RNF150: variants seen among roughly 807,000 people sequenced by gnomAD.
RNF150 encodes the protein ring finger protein 150.
RNF150 carries 24 observed loss-of-function variants against 39.3 expected under a neutral mutation model. That is an observed-to-expected ratio of 0.61 (90% CI 0.44 to 0.86). The LOEUF is 0.86. Ranked by LOEUF, RNF150 falls within the 40% of genes least tolerant of loss-of-function variation. RNF150 has a pLI of 0.00. For missense variants in RNF150, 502 were observed against 587.8 expected (o/e 0.85, Z 1.51); for synonymous variants, 255 against 227.3 (o/e 1.12, Z -1.10).
At chr4:141,017,516 G>A (rs1197145086) in intron 1 of RNF150, among the ~76,000 whole-genome samples, 1 of 152,030 alleles carries the variant, frequency 6.6e-6, no homozygotes, top group Non-Finnish European at 1.5e-5. Context: ...ATTATCAACC[G>A]AAGTCCATAG....
chr4:141,062,321 CTT>C (rs1253433245), intron 1 of RNF150, among the ~76,000 whole-genome samples: 2 of 151,880 alleles, frequency 1.3e-5, no homozygotes, highest in African/African-American at 2.4e-5. Context: ...AAACATGCAT[CTT>C]ATATATATCT....
At chr4:141,010,198 T>C (rs767623098) in intron 1 of RNF150, among the ~76,000 whole-genome samples, 11 of 152,236 alleles carry the variant, frequency 7.2e-5, no homozygotes, top group Non-Finnish European at 1.5e-4. Flanking sequence ...GCCTTTATTA[T>C]GAAAATTTGA....
chr4:140,872,082 T>C (rs1251005944), intron 6 of RNF150, among the ~76,000 whole-genome samples: 2 of 152,266 alleles, frequency 1.3e-5, no homozygotes, highest in Non-Finnish European at 2.9e-5. Flanking sequence ...TAATCAAACT[T>C]GGTTTGTTCC....
At chr4:141,109,303 C>T (rs115562952) in intron 1 of RNF150, among the ~76,000 whole-genome samples, 474 of 152,042 alleles carry the variant, frequency 3.1e-3, no homozygotes, top group African/African-American at 0.011. Flanking sequence ...ATTCTGAAGC[C>T]ATTCCGATTC....
chr4:140,956,355 G>C (rs1732753651), intron 2 of RNF150, among the ~76,000 whole-genome samples: 1 of 152,168 alleles, frequency 6.6e-6, no homozygotes, highest in Non-Finnish European at 1.5e-5. Flanking sequence ...GGGAATGAGG[G>C]GATACTTGGC....
intron 1 of RNF150, among the ~76,000 whole-genome samples, chr4:141,038,241 T>A (rs1736221377): frequency 6.6e-6 from 1 of 152,140 alleles, no homozygotes; most frequent in African/African-American, 2.4e-5. Context: ...AGGAGATAGC[T>A]GGTGTGCACG....
chr4:140,947,532 C>T lies in RNF150; in HGVS notation c.890+122G>A, dbSNP rs111707416. 242 of 716,124 alleles carry T rather than the reference C, an allele frequency of 3.4e-4. No homozygotes were observed. In the African/African-American group the frequency reaches 3.5e-3, roughly 10 times the overall value. 44.4% of individuals were successfully genotyped at this position (716,124 alleles called of 1,614,324 possible). A position where few individuals can be genotyped will look rare whatever the true frequency, so the allele number is the denominator to read the frequency against. On this transcript the variant is annotated intron_variant, in intron 4 of 6. Coordinates refer to ENST00000515673, the MANE Select transcript of RNF150 (RefSeq NM_020724.2). ...ATGTTAGGGTTGTCTGCAATAGAAACATGGAAACACTGAGGCAGACTGACC... is the reference window on the plus strand; with the variant it reads ...ATGTTAGGGTTGTCTGCAATAGAAATATGGAAACACTGAGGCAGACTGACC...
At chr4:140,955,106 G>A (rs540157152) in intron 2 of RNF150, among the ~76,000 whole-genome samples, 43 of 152,218 alleles carry the variant, frequency 2.8e-4, no homozygotes, top group African/African-American at 1.0e-3. Context: ...TGACTGAAAC[G>A]TTTTCTTCGT....
At position 140,864,451 on chromosome 4, in the gene RNF150, G is replaced by GCT. The variant is rs1728621940; in HGVS notation, c.*3809_*3810insAG. 1 of 152,240 alleles carries GCT rather than the reference G, an allele frequency of 6.6e-6. No homozygotes were observed. Among genetic ancestry groups the GCT allele is most frequent in the Non-Finnish European group, 1.5e-5 (1 of 68,114 alleles). The allele number at this position is 152,240 out of a possible 1,614,324, so 9.4% of individuals were successfully genotyped here. Reference sequence around the variant, plus strand: ...CTCCTTTTCTTCCCCATAGCATTGGGGTGGCAGGTGGATGCTGACTTGGAG... The same window carrying GCT: ...CTCCTTTTCTTCCCCATAGCATTGGGCTGTGGCAGGTGGATGCTGACTTGGAG... On this transcript the variant is annotated 3_prime_UTR_variant, in exon 7 of 7. Transcript: ENST00000515673.
chr4:141,079,974 G>A (rs1224316424), intron 1 of RNF150, among the ~76,000 whole-genome samples: 1 of 152,152 alleles, frequency 6.6e-6, no homozygotes, highest in Admixed American at 6.5e-5. Context: ...AGAAAGCATA[G>A]TCAGGACTCC....
Position 141,132,557 on chromosome 4 carries a change from C to G in RNF150, c.252G>C (p.Gln84His), listed in dbSNP as rs199823659. The G allele has an allele frequency of 2.1e-3, 3,280 of 1,591,866 alleles. 98 individuals carry two copies. In the Admixed American group the frequency reaches 0.05, roughly 24 times the overall value. ...CGRYGEHSPK[Q>H]DARGEVVMAS... ...CCATGACCACCTCCCCGCGGGCGTC[C>G]TGCTTGGGCGAGTGCTCTCCGTAGC... Residue 84 changes from glutamine (Q) to histidine (H), a missense_variant, in exon 1 of 7, where the codon CAG becomes CAC. Gln to His is a conservative substitution (Grantham distance 24, BLOSUM62 0). Transcript: ENST00000515673. This position sits in a 1 kb window ranked among gnomAD's most constrained non-coding sequence, Gnocchi z 4.9.
chr4:141,091,404 T>C (rs1024518392), intron 1 of RNF150, among the ~76,000 whole-genome samples: 1 of 152,194 alleles, frequency 6.6e-6, no homozygotes, highest in Non-Finnish European at 1.5e-5. Flanking sequence ...CAACATGATA[T>C]TTGCCTTCAA....
At chr4:140,968,980 TAGAGTGACTACAAA>T (rs1362468702) in intron 1 of RNF150, among the ~76,000 whole-genome samples, 1 of 151,986 alleles carries the variant, frequency 6.6e-6, no homozygotes, top group Non-Finnish European at 1.5e-5. Flanking sequence ...TCCCATTACC[TAGAGTGACTACAAA>T]TTAAAGGGAG....
chr4:140,974,410 T>C (rs974439509), intron 1 of RNF150, among the ~76,000 whole-genome samples: 1 of 152,210 alleles, frequency 6.6e-6, no homozygotes, highest in Non-Finnish European at 1.5e-5. Context: ...TATTCGCCAA[T>C]TGATGGACAT....
intron 1 of RNF150, among the ~76,000 whole-genome samples, chr4:141,115,112 T>C (rs1290296491): frequency 1.3e-5 from 2 of 152,156 alleles, no homozygotes; most frequent in African/African-American, 2.4e-5. Flanking sequence ...TCACCACTCC[T>C]ATTAAACATA....
chr4:141,107,602 C>G (rs1229991322), intron 1 of RNF150, among the ~76,000 whole-genome samples: 1 of 152,136 alleles, frequency 6.6e-6, no homozygotes, highest in Non-Finnish European at 1.5e-5. Flanking sequence ...TCCTTTTGTA[C>G]ATAATGGTGC....
At chr4:140,924,277 TAAGAG>T (rs993597945) in intron 5 of RNF150, among the ~76,000 whole-genome samples, 3 of 152,252 alleles carry the variant, frequency 2.0e-5, no homozygotes, top group East Asian at 1.9e-4. Flanking sequence ...ATCTTGGAAA[TAAGAG>T]AAAAGACCAC....
chr4:140,894,318 C>A (rs183025772), intron 6 of RNF150, among the ~76,000 whole-genome samples: 52 of 152,336 alleles, frequency 3.4e-4, no homozygotes, highest in African/African-American at 1.3e-3. Flanking sequence ...AGATTAACTT[C>A]TGATGAGGTC....
chr4:140,885,645 A>G (rs1465669380), intron 6 of RNF150, among the ~76,000 whole-genome samples: 1 of 150,906 alleles, frequency 6.6e-6, no homozygotes, highest in Non-Finnish European at 1.5e-5. Flanking sequence ...CATGTTGGTC[A>G]GGCTGGTCTT....
Sources: gnomAD v4.1 joint callset for allele counts (sites outside exome capture counted in the v4.1 genomes callset) on GRCh38, gnomAD v4.1.1 for gene constraint, Gnocchi (gnomAD v3.1) non-coding constraint, MANE v1.5 for transcripts, NCBI Gene and HGNC (gene_info 2026-07-23, HGNC 2026-07-21) for gene names.